Variants in TRDN observed in about 807,000 individuals in gnomAD.
TRDN encodes triadin, also known as triadin in skeletal muscle.
Under a neutral mutation model 149.7 loss-of-function variants are expected in TRDN, and 161 were observed. The ratio of observed to expected loss-of-function variants is 1.08; its 90% CI spans 0.95 to 1.23. TRDN has a LOEUF of 1.23. Among genes scored for constraint, TRDN ranks in the 50% most tolerant of loss-of-function variants. TRDN has a pLI of 0.00. For synonymous variants in TRDN, 294 were observed against 250.5 expected, an observed-to-expected ratio of 1.17 and a Z score of -1.64; for missense variants, 896 against 823.5, an observed-to-expected ratio of 1.09 and a Z score of -1.08.
chr6:123,462,431 G>C (rs765590413), intron 10 of TRDN: 12 of 152,124 alleles, frequency 7.9e-5, no homozygotes, highest in Non-Finnish European at 1.5e-4. Context: ...CTTTAAAGAC[G>C]TGTAGTATTG....
rs1191901169 is a variant in TRDN at position 123,378,024 on chromosome 6, G to A, written c.1187-126C>T. On this transcript the variant is annotated intron_variant, in intron 16 of 40. Coordinates refer to ENST00000334268, the MANE Select transcript of TRDN (RefSeq NM_006073.4). ...TGCCAGATTGCAGCAACTAATAATGGCTTACATAAAAAGGCTAAGATTATA... is the reference window on the plus strand; with the variant it reads ...TGCCAGATTGCAGCAACTAATAATGACTTACATAAAAAGGCTAAGATTATA... The A allele has an allele frequency of 1.5e-5, 9 of 600,214 alleles. No homozygotes were observed. In the East Asian group the frequency reaches 2.6e-4, roughly 17 times the overall value. The allele number at this position is 600,214 out of a possible 1,614,324, so 37.2% of individuals were successfully genotyped here.
chr6:123,338,278 A>G (rs970778238), intron 21 of TRDN, among the ~76,000 whole-genome samples: 5 of 152,114 alleles, frequency 3.3e-5, no homozygotes, highest in African/African-American at 1.2e-4. Context: ...AGAAAGACAC[A>G]TTTTAGAGAA....
chr6:123,268,387 T>C (rs769468575), intron 31 of TRDN, among the ~76,000 whole-genome samples: 2 of 152,094 alleles, frequency 1.3e-5, no homozygotes, highest in Non-Finnish European at 2.9e-5. Flanking sequence ...CCCTCTTAGT[T>C]CTCTGAAAAA....
intron 23 of TRDN, among the ~76,000 whole-genome samples, chr6:123,317,686 C>T (rs571653020): frequency 6.6e-6 from 1 of 151,946 alleles, no homozygotes; most frequent in African/African-American, 2.4e-5. Context: ...TTGTTATTGT[C>T]TGTAATCACT....
Position 123,217,252 on chromosome 6 carries a change from T to C in TRDN, c.*1349A>G, listed in dbSNP as rs1335900683. 6.6e-6 allele frequency: 1 copy of C among 151,988 alleles called. No homozygotes were observed. The highest frequency in any genetic ancestry group is 2.4e-5 in the African/African-American group (1 of 41,406). 9.4% of individuals were successfully genotyped at this position (151,988 alleles called of 1,614,324 possible). On this transcript the variant is annotated 3_prime_UTR_variant, in exon 41 of 41. Coordinates refer to ENST00000334268, the MANE Select transcript of TRDN (RefSeq NM_006073.4). ...ACCTAGCCTAATGATTTTTAGTGACTGTTTTATATCTTGGTCCTAAAGAAC... is the reference window on the plus strand; with the variant it reads ...ACCTAGCCTAATGATTTTTAGTGACCGTTTTATATCTTGGTCCTAAAGAAC...
Position 123,499,719 on chromosome 6 carries a change from A to AAAAAAAAAAAAAAAAT in TRDN, c.794-2468_794-2467insATTTTTTTTTTTTTTT. ...ATTCTGGCTCAAAAAAAAAAAAAAA[A>AAAAAAAAAAAAAAAAT]ATATATATATATATATATATATATA... On this transcript the variant is annotated intron_variant, in intron 8 of 40. Coordinates refer to ENST00000334268, the MANE Select transcript of TRDN (RefSeq NM_006073.4). 5.0e-4 allele frequency among the ~76,000 whole-genome samples: 24 copies of AAAAAAAAAAAAAAAAT among 47,684 alleles called. 1 individual carries two copies. The highest frequency in any genetic ancestry group is 7.6e-4 in the Non-Finnish European group (17 of 22,310). 31.3% of individuals were successfully genotyped at this position (47,684 alleles called of 152,430 possible). A position where few individuals can be genotyped will look rare whatever the true frequency, so the allele number is the denominator to read the frequency against.
At chr6:123,511,434 C>T (rs1779178058) in intron 7 of TRDN, among the ~76,000 whole-genome samples, 1 of 152,040 alleles carries the variant, frequency 6.6e-6, no homozygotes, top group African/African-American at 2.4e-5. Context: ...ATCAAAACAT[C>T]ACATGTACCC....
At chr6:123,443,568 G>A (rs1453208969) in intron 10 of TRDN, among the ~76,000 whole-genome samples, 1 of 152,084 alleles carries the variant, frequency 6.6e-6, no homozygotes, top group Non-Finnish European at 1.5e-5. Context: ...TGAGGCAGGT[G>A]GATCACGAGG....
intron 1 of TRDN, among the ~76,000 whole-genome samples, chr6:123,597,295 GC>G: frequency 6.6e-6 from 1 of 152,160 alleles, no homozygotes; most frequent in Admixed American, 6.6e-5. Context: ...GAACTGAACT[GC>G]CGCAATCTCA....
At chr6:123,354,936 T>G (rs1374143254) in intron 20 of TRDN, among the ~76,000 whole-genome samples, 1 of 151,798 alleles carries the variant, frequency 6.6e-6, no homozygotes, top group Non-Finnish European at 1.5e-5. Context: ...TCTTTTAAAT[T>G]GCACAAATCC....
At chr6:123,310,331 C>T (rs753659006) in intron 24 of TRDN, among the ~76,000 whole-genome samples, 3 of 151,966 alleles carry the variant, frequency 2.0e-5, no homozygotes, top group Non-Finnish European at 4.4e-5. Flanking sequence ...AGGTCTGCAG[C>T]TGTGGTTGCC....
rs563929485 is a variant in TRDN at position 123,510,077 on chromosome 6, A to G, written c.610+2226T>C. The G allele has an allele frequency of 6.6e-5, 10 of 152,260 alleles. No individual in the cohort carries two copies. The South Asian group carries it at 1.9e-3, about 28-fold the overall frequency. 9.4% of individuals were successfully genotyped at this position (152,260 alleles called of 1,614,324 possible). On this transcript the variant is annotated intron_variant, in intron 7 of 40. Transcript: ENST00000334268. Reference sequence around the variant, plus strand: ...TGTATATGTAATGAAAACAAATTTTATATATATACAAAATTTATTTTCACT... The same window carrying G: ...TGTATATGTAATGAAAACAAATTTTGTATATATACAAAATTTATTTTCACT...
intron 31 of TRDN, among the ~76,000 whole-genome samples, chr6:123,268,753 C>T (rs936373529): frequency 3.6e-4 from 54 of 152,088 alleles, no homozygotes; most frequent in African/African-American, 1.3e-3. Context: ...CAAGAATAAA[C>T]TTCCATGAAC....
At chr6:123,442,279 C>T (rs534786053) in intron 10 of TRDN, 1 of 113,126 alleles carries the variant, frequency 8.8e-6, no homozygotes, top group Non-Finnish European at 1.8e-5. Flanking sequence ...AAATCTACCT[C>T]ACGCTTGTAA....
intron 23 of TRDN, among the ~76,000 whole-genome samples, chr6:123,324,658 T>TA (rs1391364209): frequency 6.6e-6 from 1 of 152,152 alleles, no homozygotes; most frequent in Non-Finnish European, 1.5e-5. Context: ...GCTCTACACT[T>TA]AGAGTTGCAC....
chr6:123,505,842 C>G (rs1405275539), intron 7 of TRDN, among the ~76,000 whole-genome samples: 1 of 151,720 alleles, frequency 6.6e-6, no homozygotes, highest in African/African-American at 2.4e-5. Context: ...TGGGATTACA[C>G]GCGCCTATCA....
chr6:123,423,430 G>T (rs750716177), intron 12 of TRDN, among the ~76,000 whole-genome samples: 6 of 152,064 alleles, frequency 3.9e-5, no homozygotes, highest in Non-Finnish European at 8.8e-5. Flanking sequence ...ATTTATCAGA[G>T]AAGTTATTTT....
intron 24 of TRDN, among the ~76,000 whole-genome samples, chr6:123,307,005 A>G (rs1778635043): frequency 6.6e-6 from 1 of 152,084 alleles, no homozygotes; most frequent in Non-Finnish European, 1.5e-5. Context: ...TTTTATTTTT[A>G]ACCGTTGCTG....
chr6:123,628,553 T>A (rs947254129), intron 1 of TRDN, among the ~76,000 whole-genome samples: 1 of 152,062 alleles, frequency 6.6e-6, no homozygotes, highest in African/African-American at 2.4e-5. Context: ...AGACAGGAAA[T>A]GAACGCATGC....
Sources: gnomAD v4.1 joint callset for allele counts (sites outside exome capture counted in the v4.1 genomes callset) on GRCh38, gnomAD v4.1.1 for gene constraint, MANE v1.5 for transcripts, NCBI Gene and HGNC (gene_info 2026-07-23, HGNC 2026-07-21) for gene names.